The following KBTBD12 variants were observed in gnomAD, a reference collection of about 807,000 sequenced individuals.
KBTBD12 encodes the protein kelch repeat and BTB domain containing 12, also known as kelch repeat and BTB domain-containing protein 12.
Under a neutral mutation model 58.7 loss-of-function variants are expected in KBTBD12, and 53 were observed. The observed-to-expected ratio is 0.90, with a 90% confidence interval of 0.72 to 1.14. The LOEUF (loss-of-function observed/expected upper bound fraction) is 1.14. KBTBD12 is among the 50% of genes most tolerant of loss of function. KBTBD12 has a pLI of 0.00. For missense variants in KBTBD12, 704 were observed against 751.3 expected, an observed-to-expected ratio of 0.94 and a Z score of 0.74; for synonymous variants, 236 against 259.8, an observed-to-expected ratio of 0.91 and a Z score of 0.88.
rs552964896 is a variant in KBTBD12, at chr3:127,985,415, T to C, written c.*1137T>C. 2 of 152,394 alleles carry C rather than the reference T, an allele frequency of 1.3e-5. No individual in the cohort carries two copies. The highest frequency in any genetic ancestry group is 4.1e-4 in the South Asian group (2 of 4,830). 9.4% of individuals were successfully genotyped at this position (152,394 alleles called of 1,614,324 possible). On this transcript the variant is annotated 3_prime_UTR_variant, in exon 6 of 6. Coordinates refer to ENST00000405109, the MANE Select transcript of KBTBD12 (RefSeq NM_207335.4). The stretch of plus-strand genomic sequence containing the variant: ...AAGTCCGTCTATCTTACTTCCCGTC[T>C]CTAATTCTGGAAGCACAGTGGATTC...
intron 5 of KBTBD12, among the ~76,000 whole-genome samples, chr3:127,977,688 GTTTAATTTA>G (rs1940805973): frequency 6.6e-6 from 1 of 151,884 alleles, no homozygotes; most frequent in South Asian, 2.1e-4. Context: ...TTTGTTTTTT[GTTTAATTTA>G]TTTAAGTTCC....
rs1452825417 is a variant in KBTBD12, at chr3:127,923,183, A to G, written c.122A>G (p.Lys41Arg). The change falls in exon 2 of 6, where the codon AAA (lysine) becomes AGA (arginine). Residue 41 changes from lysine to arginine, a missense_variant. Transcript: ENST00000405109. ...GTGGTACTCACAGCAGAAGGAGAGA[A>G]ATTTCCTTGCCACAGACTGGTCCTG... The part of the protein sequence containing the change: ...IDVVLTAEGE[K>R]FPCHRLVLAA... The G allele has an allele frequency of 6.2e-7, 1 of 1,613,652 alleles. No individual in the cohort carries two copies. Among genetic ancestry groups the G allele is most frequent in the Admixed American group, 1.7e-5 (1 of 59,982 alleles).
chr3:127,916,056 C>T (rs1185290553), intron 1 of KBTBD12, among the ~76,000 whole-genome samples: 1 of 152,216 alleles, frequency 6.6e-6, no homozygotes, highest in Non-Finnish European at 1.5e-5. Flanking sequence ...AATTGCCCTA[C>T]ATTTTCCCCC....
At chr3:127,920,433 T>C (rs1939372867) in intron 1 of KBTBD12, among the ~76,000 whole-genome samples, 1 of 151,508 alleles carries the variant, frequency 6.6e-6, no homozygotes, top group African/African-American at 2.4e-5. Context: ...CTAGTGAATA[T>C]ACTACAATCT....
At chr3:127,976,674 G>A (rs1381339816) in intron 5 of KBTBD12, among the ~76,000 whole-genome samples, 1 of 152,162 alleles carries the variant, frequency 6.6e-6, no homozygotes, top group African/African-American at 2.4e-5. Context: ...AGAAAATGTG[G>A]AAGAGATCCT....
chr3:127,959,443 G>A (rs974651000), intron 4 of KBTBD12, among the ~76,000 whole-genome samples: 8 of 152,218 alleles, frequency 5.3e-5, no homozygotes, highest in South Asian at 2.1e-4. Context: ...ATCCAACCCC[G>A]GAAGAAACTA....
At chr3:127,918,867 A>G (rs1340175514) in intron 1 of KBTBD12, among the ~76,000 whole-genome samples, 2 of 152,192 alleles carry the variant, frequency 1.3e-5, no homozygotes, top group Non-Finnish European at 2.9e-5. Context: ...GAATGCCTGA[A>G]TGAGGGGTAG....
chr3:127,931,481 G>A (rs1576374617), intron 4 of KBTBD12, among the ~76,000 whole-genome samples: 1 of 152,074 alleles, frequency 6.6e-6, no homozygotes, highest in African/African-American at 2.4e-5. Flanking sequence ...TAGGATAGAT[G>A]TATCACTCAA....
At position 127,927,869 on chromosome 3, in the gene KBTBD12, A is replaced by C; in HGVS notation, c.1176A>C (p.Gly392=). ...ATAATGACCTTTATGTTATAGGAGG[A>C]CAGATGAAAATTAAAAACCAGTATC... ...SIHNDLYVIG[G]QMKIKNQYLI... Residue 392 remains glycine (G), a synonymous_variant, in exon 3 of 6, where the codon GGA becomes GGC. Transcript: ENST00000405109. The C allele has an allele frequency of 1.9e-6, 3 of 1,613,132 alleles. No individual in the cohort carries two copies. The highest frequency in any genetic ancestry group is 2.5e-6 in the Non-Finnish European group (3 of 1,179,240).
chr3:127,973,415 G>A (rs1940717616), intron 5 of KBTBD12, among the ~76,000 whole-genome samples: 1 of 152,138 alleles, frequency 6.6e-6, no homozygotes, highest in African/African-American at 2.4e-5. Context: ...AAGGTTGGTT[G>A]GATGATGGTT....
intron 5 of KBTBD12, among the ~76,000 whole-genome samples, chr3:127,967,998 C>T (rs758767362): frequency 3.9e-5 from 6 of 152,172 alleles, no homozygotes; most frequent in East Asian, 1.9e-4. Flanking sequence ...TGAAAAATTC[C>T]GGTTCCCTAA....
chr3:127,963,967 C>A (rs1404380169), intron 5 of KBTBD12, among the ~76,000 whole-genome samples: 2 of 152,072 alleles, frequency 1.3e-5, no homozygotes, highest in Non-Finnish European at 2.9e-5. Context: ...TAAAATAATA[C>A]CTAATGCATG....
chr3:127,963,074 AAAGAG>A (rs1940478004), intron 4 of KBTBD12, 110 bp from the exon 5 acceptor site: 1 of 911,892 alleles, frequency 1.1e-6, no homozygotes, highest in Non-Finnish European at 1.6e-6. Context: ...ACCTGGCAAG[AAAGAG>A]AAAAGTTACA....
Position 127,987,023 on chromosome 3 carries a change from G to T in KBTBD12, c.*2745G>T, listed in dbSNP as rs1002694739. 5.2e-5 allele frequency: 8 copies of T among 152,390 alleles called. No homozygotes were observed. The highest frequency in any genetic ancestry group is 1.9e-4 in the African/African-American group (8 of 41,458). 9.4% of individuals were successfully genotyped at this position (152,390 alleles called of 1,614,324 possible). A position where few individuals can be genotyped will look rare whatever the true frequency, so the allele number is the denominator to read the frequency against. On this transcript the variant is annotated 3_prime_UTR_variant, in exon 6 of 6. Transcript: ENST00000405109. ...CTGTCTAATGCGAGGTCTGGGCAGT[G>T]TCCCAGTGGAACTTTCCAGAGAGTG...
intron 4 of KBTBD12, among the ~76,000 whole-genome samples, chr3:127,938,642 T>G (rs1335540528): frequency 2.0e-5 from 3 of 152,226 alleles, no homozygotes; most frequent in Non-Finnish European, 2.9e-5. Flanking sequence ...ATCCATCTGT[T>G]GGAAAGAAAA....
intron 4 of KBTBD12, among the ~76,000 whole-genome samples, chr3:127,930,545 A>G (rs1939677856): frequency 1.3e-5 from 2 of 152,180 alleles, no homozygotes; most frequent in South Asian, 2.1e-4. Flanking sequence ...ATACATCCTT[A>G]TATATACTAC....
At position 127,984,649 on chromosome 3, in the gene KBTBD12, AATG is replaced by A. The variant is rs893159970; in HGVS notation, c.*376_*378del. The stretch of plus-strand genomic sequence containing the variant: ...AGGAAGTGGTCCCATGGGTGCAGTC[AATG>A]ATGAGTTCATGGAAACAGCCAAGCA... On this transcript the variant is annotated 3_prime_UTR_variant, in exon 6 of 6. Coordinates refer to ENST00000405109, the MANE Select transcript of KBTBD12 (RefSeq NM_207335.4). 1.2e-5 allele frequency: 2 copies of A among 169,966 alleles called. No homozygotes were observed. The highest frequency in any genetic ancestry group is 1.6e-4 in the South Asian group (1 of 6,128). The allele number at this position is 169,966 out of a possible 1,614,324, so 10.5% of individuals were successfully genotyped here.
At chr3:127,929,674 T>A (rs1939656581) in intron 3 of KBTBD12, among the ~76,000 whole-genome samples, 1 of 152,142 alleles carries the variant, frequency 6.6e-6, no homozygotes, top group Non-Finnish European at 1.5e-5. Context: ...CACTACAATG[T>A]TTTGGCAACT....
At chr3:127,934,518 CA>C (rs1939782152) in intron 4 of KBTBD12, among the ~76,000 whole-genome samples, 1 of 151,986 alleles carries the variant, frequency 6.6e-6, no homozygotes, top group South Asian at 2.1e-4. Context: ...AAGTAATAGT[CA>C]AAAATTTCTG....
Sources: gnomAD v4.1 joint callset for allele counts (sites outside exome capture counted in the v4.1 genomes callset) on GRCh38, gnomAD v4.1.1 for gene constraint, MANE v1.5 for transcripts, NCBI Gene and HGNC (gene_info 2026-07-23, HGNC 2026-07-21) for gene names.